The following CLN8 variants were observed in gnomAD, a reference collection of about 807,000 sequenced individuals.
The protein encoded by CLN8 is CLN8 transmembrane ER and ERGIC protein.
A neutral mutation model predicts 15.7 loss-of-function variants in CLN8; 14 were observed. That is an observed-to-expected ratio of 0.89 (90% confidence interval 0.59 to 1.39). The LOEUF (loss-of-function observed/expected upper bound fraction) is 1.39, where lower values mean the gene tolerates loss of function less well. CLN8 is among the 40% of genes most tolerant of loss of function. The probability of loss-of-function intolerance (pLI) is 0.00; values close to 1 mark genes in which losing one functional copy is unlikely to be tolerated. For synonymous variants in CLN8, 188 were observed against 151.0 expected (o/e 1.25, Z -1.80); for missense variants, 415 against 364.0 (o/e 1.14, Z -1.14).
At chr8:1,760,813 C>G (rs1800775716), upstream of CLN8, among the ~76,000 whole-genome samples, 1 of 152,126 alleles carries the variant, frequency 6.6e-6, no homozygotes, top group African/African-American at 2.4e-5. Flanking sequence ...TGCTCTGATA[C>G]AGAGTGGGGA....
chr8:1,753,322 G>T (rs1350073312), upstream of CLN8, among the ~76,000 whole-genome samples: 4 of 151,658 alleles, frequency 2.6e-5, no homozygotes, highest in Non-Finnish European at 5.9e-5. Flanking sequence ...TGTAATCCCA[G>T]CACTTTGGGA....
intron 1 of CLN8, chr8:1,758,468 G>A (rs1413144562): frequency 6.6e-6 from 1 of 152,170 alleles, no homozygotes; most frequent in Non-Finnish European, 1.5e-5. Flanking sequence ...TGCATTTTAG[G>A]GGGACAGAAG....
chr8:1,767,929 G>A (rs1382563632), intron 1 of CLN8, among the ~76,000 whole-genome samples: 3 of 151,458 alleles, frequency 2.0e-5, no homozygotes, highest in African/African-American at 4.8e-5. Context: ...GGTTAGGAAA[G>A]AAACTTGTTT....
intron 1 of CLN8, chr8:1,765,051 C>T (rs559524888): frequency 6.6e-6 from 1 of 152,238 alleles, no homozygotes; most frequent in African/African-American, 2.4e-5. Context: ...TTGAACACTT[C>T]TGTGCCTCAC....
In CLN8 at chr8:1,783,814, G is replaced by T. The variant is rs915255110; in HGVS notation, c.*3247G>T. The T allele has an allele frequency of 6.6e-6, 1 of 152,226 alleles. No individual in the cohort carries two copies. The highest frequency in any genetic ancestry group is 1.5e-5 in the Non-Finnish European group (1 of 68,056). The allele number at this position is 152,226 out of a possible 1,614,324, so 9.4% of individuals were successfully genotyped here. ...TCCACTTCTGTCGAGGAGCTTCGGG[G>T]CTCAGAGAGGTGATGACGTGCCCAA... On this transcript the variant is annotated 3_prime_UTR_variant, in exon 3 of 3. Coordinates refer to ENST00000331222, the MANE Select transcript of CLN8 (RefSeq NM_018941.4).
intron 1 of CLN8, chr8:1,764,484 C>G (rs1331963343): frequency 1.3e-5 from 2 of 152,342 alleles, no homozygotes; most frequent in East Asian, 1.9e-4. Context: ...ACAGAGGTGC[C>G]GTCGGAGCTG....
At chr8:1,779,343 A>G (rs1410149890) in intron 2 of CLN8, among the ~76,000 whole-genome samples, 5 of 152,184 alleles carry the variant, frequency 3.3e-5, no homozygotes, top group African/African-American at 1.2e-4. Flanking sequence ...CCCAGGTTCA[A>G]ATGATTCTCA....
intron 1 of CLN8, chr8:1,765,234 G>C (rs575102222): frequency 1.3e-5 from 2 of 152,378 alleles, no homozygotes; most frequent in Non-Finnish European, 2.9e-5. Flanking sequence ...GTAGGTAAAT[G>C]GTGGAGTCCC....
intron 2 of CLN8, among the ~76,000 whole-genome samples, chr8:1,776,843 A>G (rs1353973205): frequency 1.3e-5 from 2 of 152,174 alleles, no homozygotes; most frequent in African/African-American, 4.8e-5. Flanking sequence ...ACTGAGTCCT[A>G]CTGAAGTCCC....
upstream of CLN8, among the ~76,000 whole-genome samples, chr8:1,761,111 C>A (rs1380871160): frequency 6.7e-6 from 1 of 149,258 alleles, no homozygotes; most frequent in Non-Finnish European, 1.5e-5. Flanking sequence ...CCTCCGCCTC[C>A]CAGGTTCAGG....
chr8:1,764,025 G>C (rs1391762452), intron 1 of CLN8, 140 bp downstream of exon 1: 1 of 152,556 alleles, frequency 6.6e-6, no homozygotes, highest in African/African-American at 2.4e-5. Context: ...CCCAGGCGAG[G>C]GGGCTGGGAA....
chr8:1,768,503 G>A (rs769900006), intron 1 of CLN8, among the ~76,000 whole-genome samples: 3 of 152,170 alleles, frequency 2.0e-5, no homozygotes, highest in Non-Finnish European at 2.9e-5. Context: ...TTGGCCAAGC[G>A]GACATTGATG....
chr8:1,768,668 C>T (rs1801177576), intron 1 of CLN8, among the ~76,000 whole-genome samples: 3 of 152,164 alleles, frequency 2.0e-5, no homozygotes, highest in South Asian at 4.1e-4. Context: ...TGATACCTGT[C>T]CTTTCCACCC....
chr8:1,785,835 G>GGAC lies in CLN8; in HGVS notation c.*5270_*5272dup, dbSNP rs1219174810. 1 of 161,440 alleles carries GGAC rather than the reference G, an allele frequency of 6.2e-6. No homozygotes were observed. The highest frequency in any genetic ancestry group is 1.4e-5 in the Non-Finnish European group (1 of 72,782). The allele number at this position is 161,440 out of a possible 1,614,324, so 10.0% of individuals were successfully genotyped here. A position where few individuals can be genotyped will look rare whatever the true frequency, so the allele number is the denominator to read the frequency against. On this transcript the variant is annotated 3_prime_UTR_variant, in exon 3 of 3. Transcript: ENST00000331222. ...TGCTGTGGCTTCGGCAGTAAAGACAGGACGCACCCATGTCACAAGAGGAGC... is the reference window on the plus strand; with the variant it reads ...TGCTGTGGCTTCGGCAGTAAAGACAGGACGACGCACCCATGTCACAAGAGGAGC...
chr8:1,754,474 T>C (rs569428892), upstream of CLN8, among the ~76,000 whole-genome samples: 1 of 152,338 alleles, frequency 6.6e-6, no homozygotes, highest in East Asian at 1.9e-4. Context: ...TATCTTTATT[T>C]GGTCTCAACA....
chr8:1,778,231 C>T (rs1419053266), intron 2 of CLN8, among the ~76,000 whole-genome samples: 1 of 152,170 alleles, frequency 6.6e-6, no homozygotes, highest in Non-Finnish European at 1.5e-5. Flanking sequence ...CTGCAGTCAC[C>T]CCAGGGTCTG....
upstream of CLN8, among the ~76,000 whole-genome samples, chr8:1,754,905 C>A (rs930435352): frequency 6.6e-6 from 1 of 152,222 alleles, no homozygotes; most frequent in African/African-American, 2.4e-5. Flanking sequence ...GCCGGAAGTT[C>A]TTTCTTCAAA....
chr8:1,778,389 G>A (rs1331988207), intron 2 of CLN8, among the ~76,000 whole-genome samples: 2 of 152,200 alleles, frequency 1.3e-5, no homozygotes, highest in Admixed American at 6.5e-5. Flanking sequence ...TTAACCATCC[G>A]GAACTGACAG....
intron 1 of CLN8, among the ~76,000 whole-genome samples, chr8:1,756,239 T>G (rs558509873): frequency 6.6e-6 from 1 of 152,290 alleles, no homozygotes. Context: ...ATCCTAGCAC[T>G]TTGAGAGGCT....
Sources: allele counts gnomAD v4.1 joint callset (sites outside exome capture counted in the v4.1 genomes callset), GRCh38; gene constraint gnomAD v4.1.1; transcripts MANE v1.5; gene names NCBI Gene and HGNC (gene_info 2026-07-23, HGNC 2026-07-21).